The following SEMA3A variants were observed in gnomAD, a reference collection of about 807,000 sequenced individuals.
The protein encoded by SEMA3A is semaphorin 3A.
A neutral mutation model predicts 97.9 loss-of-function variants in SEMA3A; 29 were observed. That is an observed-to-expected ratio of 0.30 (90% CI 0.22 to 0.40). The LOEUF is 0.40. Among genes scored for constraint, SEMA3A ranks in the 10% least tolerant of loss-of-function variants. The pLI is 1.00. For missense variants in SEMA3A, 763 were observed against 951.3 expected (o/e 0.80, Z 2.60); for synonymous variants, 321 against 323.7 (o/e 0.99, Z 0.09).
intron 3 of SEMA3A, among the ~76,000 whole-genome samples, chr7:84,276,011 A>G (rs188654499): frequency 3.4e-4 from 51 of 152,180 alleles, no homozygotes; most frequent in Non-Finnish European, 6.5e-4. Flanking sequence ...CTGCTCATGT[A>G]AAGTGGTAGT....
At chr7:84,134,315 T>C (rs1796057438) in intron 2 of SEMA3A, among the ~76,000 whole-genome samples, 1 of 152,190 alleles carries the variant, frequency 6.6e-6, no homozygotes, top group Admixed American at 6.5e-5. Context: ...AAAACAGACA[T>C]AGGCAATATG....
chr7:84,459,706 C>G (rs1805775094), intron 1 of SEMA3A, among the ~76,000 whole-genome samples: 1 of 152,216 alleles, frequency 6.6e-6, no homozygotes, highest in Admixed American at 6.5e-5. Flanking sequence ...AAATTTTTCT[C>G]CAAATTAATT....
intron 3 of SEMA3A, among the ~76,000 whole-genome samples, chr7:84,293,970 T>C (rs368937796): frequency 6.6e-6 from 1 of 152,032 alleles, no homozygotes; most frequent in African/African-American, 2.4e-5. Flanking sequence ...TTAGCAAAAA[T>C]GGCTTTTTCA....
At chr7:84,084,456 C>T (rs1794267056) in intron 4 of SEMA3A, among the ~76,000 whole-genome samples, 2 of 151,266 alleles carry the variant, frequency 1.3e-5, no homozygotes, top group Admixed American at 1.3e-4. Flanking sequence ...AGGAGTATTA[C>T]AAATTTACAT....
At chr7:84,197,059 T>TG (rs1382605871), upstream of SEMA3A, among the ~76,000 whole-genome samples, 1 of 152,038 alleles carries the variant, frequency 6.6e-6, no homozygotes, top group Non-Finnish European at 1.5e-5. Flanking sequence ...AATGGCTCCA[T>TG]GGGGGAAGAA....
At chr7:84,346,111 T>C (rs1424290478) in intron 2 of SEMA3A, among the ~76,000 whole-genome samples, 2 of 152,214 alleles carry the variant, frequency 1.3e-5, no homozygotes, top group Non-Finnish European at 2.9e-5. Context: ...TGGCATCTTT[T>C]CTGAAACCTT....
At chr7:84,454,020 C>T (rs1244775000) in intron 1 of SEMA3A, among the ~76,000 whole-genome samples, 2 of 152,014 alleles carry the variant, frequency 1.3e-5, no homozygotes, top group Non-Finnish European at 2.9e-5. Flanking sequence ...AAAATGTATC[C>T]ACAATACATG....
At chr7:84,173,522 G>T (rs1035117654) in intron 1 of SEMA3A, among the ~76,000 whole-genome samples, 1 of 134,796 alleles carries the variant, frequency 7.4e-6, no homozygotes, top group Non-Finnish European at 1.5e-5. Context: ...TCACGCCACT[G>T]CACTCCAGCC....
At position 84,131,682 on chromosome 7, in the gene SEMA3A, C is replaced by T. The variant is rs902823354; in HGVS notation, c.271-2497G>A. 2.0e-5 allele frequency among the ~76,000 whole-genome samples: 3 copies of T among 152,110 alleles called. No individual in the cohort carries two copies. In the East Asian group the frequency reaches 5.8e-4, roughly 29 times the overall value. ...CATAAATCTCCTGTAGTGTTCATCA[C>T]AATAGGCGCTTAGAAGAAAGCTATT... On this transcript the variant is annotated intron_variant, in intron 2 of 16. Transcript: ENST00000265362.
chr7:84,429,347 C>T (rs1477058888), intron 1 of SEMA3A, among the ~76,000 whole-genome samples: 5 of 150,824 alleles, frequency 3.3e-5, no homozygotes, highest in Admixed American at 2.0e-4. Context: ...CAGTTTTGTT[C>T]GTTTGTAACC....
chr7:84,384,381 A>T (rs1468930041), intron 1 of SEMA3A, among the ~76,000 whole-genome samples: 1 of 152,204 alleles, frequency 6.6e-6, no homozygotes. Flanking sequence ...AAACATATAA[A>T]TCTGTTAAAA....
In SEMA3A at chr7:84,453,445, C is replaced by T. The variant is rs542358341; in HGVS notation, c.-246+39015G>A. 2.0e-5 allele frequency among the ~76,000 whole-genome samples: 3 copies of T among 151,992 alleles called. No individual in the cohort carries two copies. The South Asian group carries it at 6.3e-4, about 32-fold the overall frequency. ...TAGAGACGGGGTTTCACCGTGTTAG[C>T]CAGGATGGTCTCGATCTCCTGACCT... On this transcript the variant is annotated intron_variant, in intron 1 of 3. Coordinates refer to the SEMA3A transcript ENST00000424555.
At position 84,215,433 on chromosome 7, in the gene SEMA3A, C is replaced by T. The variant is rs910311950; in HGVS notation, c.-82-20765G>A. Among the ~76,000 whole-genome samples, 3 of 14,450 alleles carry T rather than the reference C, an allele frequency of 2.1e-4. No homozygotes were observed. In the South Asian group the frequency reaches 5.9e-3, roughly 28 times the overall value. 9.5% of individuals were successfully genotyped at this position (14,450 alleles called of 152,430 possible). A position where few individuals can be genotyped will look rare whatever the true frequency, so the allele number is the denominator to read the frequency against. ...GAACTCCTGACCTTAGATGATCCGC[C>T]CCCCCCTTGGCCTCCCAAAGTGCTG... On this transcript the variant is annotated intron_variant, in intron 3 of 3. Transcript: ENST00000424555.
At chr7:84,431,745 T>G (rs1157450864) in intron 1 of SEMA3A, among the ~76,000 whole-genome samples, 1 of 151,920 alleles carries the variant, frequency 6.6e-6, no homozygotes, top group Non-Finnish European at 1.5e-5. Flanking sequence ...AGTTGTGAGA[T>G]TCAATTAATT....
chr7:84,166,602 G>T (rs1040045780), intron 1 of SEMA3A, among the ~76,000 whole-genome samples: 11 of 151,026 alleles, frequency 7.3e-5, no homozygotes, highest in Admixed American at 4.6e-4. Flanking sequence ...GGGGGGCGCA[G>T]TGGCTCACGC....
At chr7:84,053,921 C>G (rs1023441330) in intron 5 of SEMA3A, among the ~76,000 whole-genome samples, 1 of 142,886 alleles carries the variant, frequency 7.0e-6, no homozygotes, top group Non-Finnish European at 1.5e-5. Context: ...GTGACAAAAT[C>G]TCTCAGCATT....
Position 83,986,205 on chromosome 7 carries a change from G to T in SEMA3A, c.1453-728C>A, listed in dbSNP as rs548712630. On this transcript the variant is annotated intron_variant, in intron 12 of 16. Transcript: ENST00000265362. ...TAACAACACCAGTGGCAGCTGATGA[G>T]AGTAGGCCACTTTCCAGCTGACAAG... Among the ~76,000 whole-genome samples the T allele has an allele frequency of 5.9e-5, 9 of 152,290 alleles. No individual in the cohort carries two copies. The South Asian group carries it at 1.7e-3, about 28-fold the overall frequency.
chr7:84,430,926 T>C (rs1219992223), intron 1 of SEMA3A, among the ~76,000 whole-genome samples: 2 of 151,962 alleles, frequency 1.3e-5, no homozygotes, highest in Non-Finnish European at 2.9e-5. Context: ...TTTTATTTTT[T>C]AGAGCACTTT....
intron 4 of SEMA3A, among the ~76,000 whole-genome samples, chr7:84,100,687 A>G (rs1794935202): frequency 6.6e-6 from 1 of 152,168 alleles, no homozygotes; most frequent in Admixed American, 6.6e-5. Flanking sequence ...TAGAAAATTA[A>G]GAAAAAATGT....
Sources: gnomAD v4.1 joint callset for allele counts (sites outside exome capture counted in the v4.1 genomes callset) on GRCh38, gnomAD v4.1.1 for gene constraint, MANE v1.5 for transcripts, NCBI Gene and HGNC (gene_info 2026-07-23, HGNC 2026-07-21) for gene names.